The following XYLT1 variants were observed in gnomAD, a reference collection of about 807,000 sequenced individuals.
XYLT1 encodes xylosyltransferase 1.
Under a neutral mutation model 91.3 loss-of-function variants are expected in XYLT1, and 36 were observed. That is an observed-to-expected ratio of 0.39 (90% CI 0.30 to 0.52). The LOEUF (loss-of-function observed/expected upper bound fraction) is 0.52, where lower values mean the gene tolerates loss of function less well. Ranked by LOEUF, XYLT1 falls within the 20% of genes least tolerant of loss-of-function variation. The pLI is 0.68. For missense variants in XYLT1, 1,242 were observed against 1,284.5 expected (o/e 0.97, Z 0.51); for synonymous variants, 588 against 532.0 (o/e 1.11, Z -1.45).
At chr16:17,325,964 A>C (rs2034795011) in intron 2 of XYLT1, among the ~76,000 whole-genome samples, 1 of 152,182 alleles carries the variant, frequency 6.6e-6, no homozygotes. Flanking sequence ...GCTTGTCTGA[A>C]TCTGCCATCC....
intron 3 of XYLT1, among the ~76,000 whole-genome samples, chr16:17,224,219 A>G (rs1467492106): frequency 6.6e-6 from 1 of 152,244 alleles, no homozygotes; most frequent in African/African-American, 2.4e-5. Flanking sequence ...ACCACATTCT[A>G]TCAGCGACAA....
intron 5 of XYLT1, among the ~76,000 whole-genome samples, chr16:17,172,892 C>T (rs1433247133): frequency 1.3e-5 from 2 of 152,188 alleles, no homozygotes; most frequent in South Asian, 2.1e-4. Context: ...TTTGACTCTA[C>T]ATGAGCTCAT....
intron 2 of XYLT1, among the ~76,000 whole-genome samples, chr16:17,276,904 G>C (rs2033985811): frequency 6.6e-6 from 1 of 152,194 alleles, no homozygotes; most frequent in Middle Eastern, 3.2e-3. Context: ...AAGATACGCT[G>C]ACTTAACCAG....
chr16:17,368,125 C>T (rs2035478261), intron 1 of XYLT1, among the ~76,000 whole-genome samples: 2 of 152,100 alleles, frequency 1.3e-5, no homozygotes, highest in South Asian at 2.1e-4. Flanking sequence ...ACAGAACTGC[C>T]GACACAAACC....
intron 2 of XYLT1, among the ~76,000 whole-genome samples, chr16:17,314,286 G>A (rs927942355): frequency 2.0e-5 from 3 of 152,066 alleles, no homozygotes; most frequent in Non-Finnish European, 2.9e-5. Flanking sequence ...CTGACTTCAG[G>A]AGCCTCCCCA....
Position 17,312,152 on chromosome 16 carries a change from C to T in XYLT1, c.402+45860G>A, listed in dbSNP as rs550254121. On this transcript the variant is annotated intron_variant, in intron 2 of 11. Coordinates refer to ENST00000261381, the MANE Select transcript of XYLT1 (RefSeq NM_022166.4). The surrounding 1 kb of genome is among the most constrained non-coding windows in gnomAD (Gnocchi z 4.4). ...TGCCGACAGACAAGAGGAAGAGGGG[C>T]GTTCTAGACACACAGCACTGCCCAA... Among the ~76,000 whole-genome samples, 10 of 152,228 alleles carry T rather than the reference C, an allele frequency of 6.6e-5. No individual in the cohort carries two copies. Among genetic ancestry groups the T allele is most frequent in the Admixed American group, 5.2e-4 (8 of 15,294 alleles).
chr16:17,251,818 A>G (rs573800258), intron 3 of XYLT1, among the ~76,000 whole-genome samples: 8 of 152,286 alleles, frequency 5.3e-5, no homozygotes, highest in African/African-American at 1.2e-4. Context: ...CCCTGCAACC[A>G]GGGCTTCTGG....
In XYLT1 at chr16:17,358,117, TTTTC is replaced by T. The variant is rs199742784; in HGVS notation, c.364-71_364-68del. On this transcript the variant is annotated intron_variant, in intron 1 of 11. Coordinates refer to ENST00000261381, the MANE Select transcript of XYLT1 (RefSeq NM_022166.4). Reference sequence around the variant, plus strand: ...AAGTTAACTTACTACCCCAGCATCTTTTTCTTTCTTTCCTTTTTTTTTTTTTTTA... The same window carrying T: ...AAGTTAACTTACTACCCCAGCATCTTTTTCTTTCCTTTTTTTTTTTTTTTA... 0.027 allele frequency: 40,338 copies of T among 1,474,654 alleles called. 241 individuals carry two copies. The highest frequency in any genetic ancestry group is 0.049 in the African/African-American group (3,393 of 68,874). The allele number at this position is 1,474,654 out of a possible 1,614,324, so 91.3% of individuals were successfully genotyped here. A position where few individuals can be genotyped will look rare whatever the true frequency, so the allele number is the denominator to read the frequency against.
At chr16:17,335,003 T>G (rs1312788292) in intron 2 of XYLT1, among the ~76,000 whole-genome samples, 2 of 152,092 alleles carry the variant, frequency 1.3e-5, no homozygotes, top group African/African-American at 4.8e-5. Context: ...GTGGGTGGAT[T>G]GCTTGAAGCC....
In XYLT1 at chr16:17,470,793, C is replaced by G; in HGVS notation, c.4G>C (p.Val2Leu). The change falls in exon 1 of 12, where the codon GTG becomes CTG. Residue 2 changes from valine (V) to leucine (L), a missense_variant. Around this residue, in one of 3 missense-constraint regions of XYLT1, gnomAD observed 437 missense variants for 411.5 expected, o/e 1.06. Coordinates refer to ENST00000261381, the MANE Select transcript of XYLT1 (RefSeq NM_022166.4). ...AGCCTCCGGGCGCACGGCGCCGCCACCATCTTCGGAGCGCGGCCGGCGAGC... is the reference window on the plus strand; with the variant it reads ...AGCCTCCGGGCGCACGGCGCCGCCAGCATCTTCGGAGCGCGGCCGGCGAGC... M[V>L]AAPCARRLAR... The G allele has an allele frequency of 1.0e-6, 1 of 1,003,576 alleles. No homozygotes were observed. The allele number at this position is 1,003,576 out of a possible 1,614,324, so 62.2% of individuals were successfully genotyped here. A position where few individuals can be genotyped will look rare whatever the true frequency, so the allele number is the denominator to read the frequency against.
chr16:17,421,487 C>A (rs1014834327), intron 1 of XYLT1, among the ~76,000 whole-genome samples: 9 of 152,148 alleles, frequency 5.9e-5, no homozygotes, highest in Admixed American at 1.3e-4. Context: ...AAGTGTAGCC[C>A]TTAACTTTAT....
chr16:17,369,541 C>G (rs1171394064), intron 1 of XYLT1: 1 of 152,102 alleles, frequency 6.6e-6, no homozygotes, highest in African/African-American at 2.4e-5. Flanking sequence ...CCTTACCCCT[C>G]CCCCACAAAG....
chr16:17,241,284 G>T (rs544023853), intron 3 of XYLT1, among the ~76,000 whole-genome samples: 1 of 152,328 alleles, frequency 6.6e-6, no homozygotes, highest in East Asian at 1.9e-4. Context: ...GGGAGGCCTG[G>T]ATAACCAGGT....
At chr16:17,200,851 C>G (rs979840307) in intron 3 of XYLT1, among the ~76,000 whole-genome samples, 197 bp from the exon 4 acceptor site, 2 of 152,062 alleles carry the variant, frequency 1.3e-5, no homozygotes, top group Non-Finnish European at 2.9e-5. Flanking sequence ...GTTAGGGGAC[C>G]CTGGGGTTGT....
At chr16:17,375,982 T>C (rs2035596110) in intron 1 of XYLT1, among the ~76,000 whole-genome samples, 1 of 152,176 alleles carries the variant, frequency 6.6e-6, no homozygotes, top group Admixed American at 6.5e-5. Flanking sequence ...AATCACTGAG[T>C]GTGTTTGCTT....
intron 1 of XYLT1, among the ~76,000 whole-genome samples, chr16:17,447,402 C>A (rs967235767): frequency 6.6e-6 from 1 of 152,242 alleles, no homozygotes. Flanking sequence ...CTCAAGCATT[C>A]TAGACCCTGT....
At chr16:17,134,422 C>A in intron 9 of XYLT1, 51 bp downstream of exon 9, 3 of 1,600,700 alleles carry the variant, frequency 1.9e-6, no homozygotes, top group South Asian at 1.1e-5. Context: ...GTACCCTGAG[C>A]CTCCCCTCCT....
rs748140156 is a variant in XYLT1 at position 17,470,526 on chromosome 16, G to GTCC, written c.268_270dup (p.Gly90dup). 12 of 1,225,766 alleles carry GTCC rather than the reference G, an allele frequency of 9.8e-6. No individual in the cohort carries two copies. In the East Asian group the frequency reaches 1.3e-4, roughly 13 times the overall value. The allele number at this position is 1,225,766 out of a possible 1,614,324, so 75.9% of individuals were successfully genotyped here. ...CCCCGCGCCCGCGCCTGGGGCCCCCGTCCTCCTCCTCCTCCGCCGCCGCCT... is the reference window on the plus strand; with the variant it reads ...CCCCGCGCCCGCGCCTGGGGCCCCCGTCCTCCTCCTCCTCCTCCGCCGCCGCCT... On this transcript the variant is annotated inframe_insertion, in exon 1 of 12. Transcript: ENST00000261381.
intron 2 of XYLT1, among the ~76,000 whole-genome samples, chr16:17,321,342 C>A (rs1268589924): frequency 4.6e-5 from 2 of 43,582 alleles, no homozygotes; most frequent in African/African-American, 1.7e-4. Flanking sequence ...ACTAACTAGC[C>A]TTTTTTTTTT....
Sources: gnomAD v4.1 joint callset for allele counts (sites outside exome capture counted in the v4.1 genomes callset) on GRCh38, gnomAD v4.1.1 for gene constraint, gnomAD v4.1.1 regional missense constraint, Gnocchi (gnomAD v3.1) non-coding constraint, MANE v1.5 for transcripts, NCBI Gene and HGNC (gene_info 2026-07-23, HGNC 2026-07-21) for gene names.